SUGP2: variants seen among roughly 807,000 people sequenced by gnomAD.
SUGP2 encodes the protein SURP and G-patch domain-containing protein 2.
A neutral mutation model predicts 90.5 loss-of-function variants in SUGP2; 24 were observed. The ratio of observed to expected loss-of-function variants is 0.27; its 90% confidence interval spans 0.19 to 0.37. SUGP2 has a LOEUF of 0.37. Among genes scored for constraint, SUGP2 ranks in the 10% least tolerant of loss-of-function variants. The pLI, the probability that SUGP2 is intolerant of heterozygous loss-of-function variation, is 1.00. For synonymous variants in SUGP2, 473 were observed against 513.4 expected, an observed-to-expected ratio of 0.92 and a Z score of 1.06; for missense variants, 1,233 against 1,363.3, an observed-to-expected ratio of 0.90 and a Z score of 1.51.
At chr19:19,019,008 C>T (rs1197792997) in intron 4 of SUGP2, 101 bp downstream of exon 4, 17 of 1,347,104 alleles carry the variant, frequency 1.3e-5, no homozygotes, top group Non-Finnish European at 1.7e-5. Context: ...ACACCACTTG[C>T]TCAAGTATCT....
At chr19:19,023,483 A>C in intron 3 of SUGP2, among the ~76,000 whole-genome samples, 1 of 151,870 alleles carries the variant, frequency 6.6e-6, no homozygotes, top group African/African-American at 2.4e-5. Context: ...ATATGCTACC[A>C]CCCCTGGCTC....
chr19:19,003,211 G>T (rs1568391118), intron 7 of SUGP2, among the ~76,000 whole-genome samples: 1 of 152,208 alleles, frequency 6.6e-6, no homozygotes, highest in Non-Finnish European at 1.5e-5. Context: ...TTCCAAAGCA[G>T]GAAAAACCAT....
chr19:19,003,153 G>T lies in SUGP2; in HGVS notation c.2929+1015C>A, dbSNP rs571596345. On this transcript the variant is annotated intron_variant, in intron 7 of 10. Transcript: ENST00000452918. ...GGTAAAGGTTATAGTAGAATGGTTAGCATTTCACTGCAACACCAAATTTTT... is the reference window on the plus strand; with the variant it reads ...GGTAAAGGTTATAGTAGAATGGTTATCATTTCACTGCAACACCAAATTTTT... 5.3e-5 allele frequency among the ~76,000 whole-genome samples: 8 copies of T among 152,276 alleles called. No homozygotes were observed. The South Asian group carries it at 6.2e-4, about 12-fold the overall frequency.
At chr19:19,000,318 C>G (rs1426462217) in intron 8 of SUGP2, among the ~76,000 whole-genome samples, 1 of 152,224 alleles carries the variant, frequency 6.6e-6, no homozygotes, top group African/African-American at 2.4e-5. Context: ...AATTCAGCGG[C>G]ATCCCCTCGA....
At chr19:19,000,499 T>C (rs1247836830) in intron 8 of SUGP2, among the ~76,000 whole-genome samples, 1 of 152,230 alleles carries the variant, frequency 6.6e-6, no homozygotes, top group Non-Finnish European at 1.5e-5. Flanking sequence ...CTCTGCTTAC[T>C]AGCAGATTAG....
chr19:19,030,769 G>C (rs1042343480), intron 2 of SUGP2, among the ~76,000 whole-genome samples, 182 bp downstream of exon 2: 9 of 152,064 alleles, frequency 5.9e-5, no homozygotes, highest in Non-Finnish European at 1.3e-4. Context: ...CTGGGGGAGA[G>C]AGTAAGACCC....
At chr19:19,017,791 A>G (rs1404021139) in intron 4 of SUGP2, among the ~76,000 whole-genome samples, 3 of 151,950 alleles carry the variant, frequency 2.0e-5, no homozygotes, top group Non-Finnish European at 4.4e-5. Context: ...TAATAAAAAT[A>G]AAAAGTGCTG....
chr19:19,004,062 CAA>C, intron 7 of SUGP2, 104 bp downstream of exon 7: 1 of 917,370 alleles, frequency 1.1e-6, no homozygotes, highest in South Asian at 1.7e-5. Context: ...GAGTGGTGCA[CAA>C]AACTCTTTTG....
intron 8 of SUGP2, among the ~76,000 whole-genome samples, chr19:19,001,013 ACTT>A (rs747540040): frequency 1.6e-4 from 23 of 144,082 alleles, no homozygotes; most frequent in South Asian, 1.3e-3. Flanking sequence ...CTTAGCTTGA[ACTT>A]CTTTTTTTTT....
At chr19:19,031,120 A>G (rs757367117) in intron 1 of SUGP2, 38 bp from the exon 2 acceptor site, 6 of 1,594,866 alleles carry the variant, frequency 3.8e-6, no homozygotes, top group Non-Finnish European at 4.3e-6. Flanking sequence ...AAGAGCAACA[A>G]CTTGGAGCTG....
intron 4 of SUGP2, among the ~76,000 whole-genome samples, chr19:19,018,107 C>T (rs2058569702): frequency 6.6e-6 from 1 of 151,794 alleles, no homozygotes; most frequent in Non-Finnish European, 1.5e-5. Context: ...TGAGACCTTC[C>T]ACCCTCACAC....
rs201716082 is a variant in SUGP2 at position 19,025,576 on chromosome 19, C to T, written c.772G>A (p.Val258Met). 1.3e-5 allele frequency: 21 copies of T among 1,614,050 alleles called. No individual in the cohort carries two copies. The Admixed American group carries it at 1.5e-4, about 12-fold the overall frequency. ...TGAGTTTTGGGAGTAATACGATTCA[C>T]GGTGGGTATTTTTTTTGTGCTCACA... ...RNVSTKKIPTVNRITPKTQGT... is the reference protein window; with the variant it reads ...RNVSTKKIPTMNRITPKTQGT... Residue 258 changes from valine (V) to methionine (M), a missense_variant, in exon 3 of 11, where the codon GTG becomes ATG. Val to Met is a conservative substitution (Grantham distance 21). Around this residue, in one of 8 missense-constraint regions of SUGP2, gnomAD observed 418 missense variants for 399.9 expected, o/e 1.05. Transcript: ENST00000452918.
intron 8 of SUGP2, among the ~76,000 whole-genome samples, chr19:18,999,242 G>A (rs1437103865): frequency 6.6e-6 from 1 of 152,196 alleles, no homozygotes; most frequent in Non-Finnish European, 1.5e-5. Context: ...GAGGAAAGCT[G>A]CAGCCACCAC....
intron 6 of SUGP2, among the ~76,000 whole-genome samples, chr19:19,007,623 T>TTTTTTTA (rs1192381843): frequency 6.6e-6 from 1 of 151,570 alleles, no homozygotes; most frequent in Non-Finnish European, 1.5e-5. Flanking sequence ...CCCGGCTAAT[T>TTTTTTTA]TTTTTTATTT....
At chr19:19,031,793 T>C (rs2059162791) in intron 1 of SUGP2, among the ~76,000 whole-genome samples, 1 of 151,644 alleles carries the variant, frequency 6.6e-6, no homozygotes, top group Admixed American at 6.6e-5. Context: ...CGCATGGTAC[T>C]TCAGAGGCAA....
rs951672442 is a variant in SUGP2, at chr19:18,991,859, G to T, written c.*1882C>A. 1 of 152,198 alleles carries T rather than the reference G, an allele frequency of 6.6e-6. No homozygotes were observed. The highest frequency in any genetic ancestry group is 1.5e-5 in the Non-Finnish European group (1 of 68,096). The allele number at this position is 152,198 out of a possible 1,614,324, so 9.4% of individuals were successfully genotyped here. Reference sequence around the variant, plus strand: ...CACAGGCTGGTTCGTTCGAGGGTTGGGTTATAAACCCAAACTCCATCCTCC... The same window carrying T: ...CACAGGCTGGTTCGTTCGAGGGTTGTGTTATAAACCCAAACTCCATCCTCC... On this transcript the variant is annotated 3_prime_UTR_variant, in exon 11 of 11. Coordinates refer to ENST00000452918, the MANE Select transcript of SUGP2 (RefSeq NM_001017392.5).
Position 19,009,869 on chromosome 19 carries a change from C to A in SUGP2, c.2324G>T (p.Cys775Phe), listed in dbSNP as rs1358552589. 1 of 1,606,998 alleles carries A rather than the reference C, an allele frequency of 6.2e-7. No individual in the cohort carries two copies. The highest frequency in any genetic ancestry group is 1.3e-5 in the African/African-American group (1 of 74,756). Residue 775 changes from cysteine to phenylalanine, a missense_variant, in exon 5 of 11, where the codon TGC becomes TTC. Physicochemically the swap from Cys to Phe is radical, Grantham distance 205. This residue lies in a region of SUGP2 where 540 missense variants were observed against 542.6 expected (regional missense o/e 1.00). Transcript: ENST00000452918. ...TGAGCACCCACTGTCAGCAGATGGG[C>A]AGGGAGAAGAGGTCTGAGGTGCTTC... ...ISEAPQTSSP[C>F]PSADIDMKTM...
At chr19:19,015,350 T>C (rs1304949238) in intron 4 of SUGP2, among the ~76,000 whole-genome samples, 2 of 152,228 alleles carry the variant, frequency 1.3e-5, no homozygotes, top group East Asian at 1.9e-4. Flanking sequence ...CTTTTCATTA[T>C]GCGTTCAATT....
chr19:19,012,787 G>A (rs866455851), intron 4 of SUGP2, among the ~76,000 whole-genome samples: 2 of 152,036 alleles, frequency 1.3e-5, no homozygotes, highest in Middle Eastern at 3.4e-3. Context: ...CGTCGTCTAC[G>A]CATTTCAGAG....
Sources: gnomAD v4.1 joint callset for allele counts (sites outside exome capture counted in the v4.1 genomes callset) on GRCh38, gnomAD v4.1.1 for gene constraint, gnomAD v4.1.1 regional missense constraint, MANE v1.5 for transcripts, NCBI Gene and HGNC (gene_info 2026-07-23, HGNC 2026-07-21) for gene names.